SLC24A2: variants seen among roughly 807,000 people sequenced by gnomAD.
SLC24A2 encodes solute carrier family 24 member 2, also known as sodium/potassium/calcium exchanger 2.
SLC24A2 carries 36 observed loss-of-function variants against 62.0 expected under a neutral mutation model. That is an observed-to-expected ratio of 0.58 (90% confidence interval 0.44 to 0.77). SLC24A2 has a LOEUF of 0.77. SLC24A2 is among the 30% of genes least tolerant of loss of function. The probability of loss-of-function intolerance (pLI) is 0.00; values close to 1 mark genes in which losing one functional copy is unlikely to be tolerated. For missense variants in SLC24A2, 846 were observed against 817.9 expected, an observed-to-expected ratio of 1.03 and a Z score of -0.42; for synonymous variants, 358 against 294.0, an observed-to-expected ratio of 1.22 and a Z score of -2.23.
the SLC24A2 span, among the ~76,000 whole-genome samples, chr9:19,843,511 TA>T: frequency 1.3e-5 from 2 of 152,098 alleles, no homozygotes; most frequent in African/African-American, 2.4e-5. Flanking sequence ...AAACTCCATA[TA>T]AAAAAATAAT....
intron 4 of SLC24A2, among the ~76,000 whole-genome samples, chr9:19,610,138 T>A (rs1428436303): frequency 6.6e-6 from 1 of 152,178 alleles, no homozygotes; most frequent in East Asian, 1.9e-4. Context: ...GTGCATGAAT[T>A]TATTAAATAT....
the SLC24A2 span, among the ~76,000 whole-genome samples, chr9:19,819,588 C>A: frequency 3.9e-5 from 6 of 151,904 alleles, no homozygotes; most frequent in Non-Finnish European, 8.8e-5. Context: ...ATACAAATGG[C>A]CAATAAACAT....
At chr9:19,598,718 T>C (rs1473315505) in intron 4 of SLC24A2, among the ~76,000 whole-genome samples, 3 of 152,122 alleles carry the variant, frequency 2.0e-5, no homozygotes, top group South Asian at 4.1e-4. Flanking sequence ...TTAAGAACAG[T>C]ATTATATATT....
chr9:20,231,105 G>T, the SLC24A2 span, among the ~76,000 whole-genome samples: 1 of 152,050 alleles, frequency 6.6e-6, no homozygotes, highest in African/African-American at 2.4e-5. Flanking sequence ...CTCTGTTTTG[G>T]TACCAGTACC....
intron 8 of SLC24A2, among the ~76,000 whole-genome samples, chr9:19,531,289 A>C (rs887319537): frequency 1.3e-5 from 2 of 152,160 alleles, no homozygotes; most frequent in Non-Finnish European, 2.9e-5. Context: ...CTCATTCCAG[A>C]CATCTCTGCC....
the SLC24A2 span, among the ~76,000 whole-genome samples, chr9:20,041,033 A>AT: frequency 3.3e-5 from 5 of 152,126 alleles, no homozygotes; most frequent in Admixed American, 2.6e-4. Flanking sequence ...CAGGCTCTGA[A>AT]TTTTTTTTAG....
the SLC24A2 span, among the ~76,000 whole-genome samples, chr9:19,999,766 A>G: frequency 6.6e-6 from 1 of 152,166 alleles, no homozygotes; most frequent in South Asian, 2.1e-4. Context: ...CCTTACAGTC[A>G]TCCTGAGCCA....
At chr9:19,921,392 G>A in the SLC24A2 span, among the ~76,000 whole-genome samples, 10 of 151,612 alleles carry the variant, frequency 6.6e-5, no homozygotes, top group Non-Finnish European at 1.3e-4. Context: ...GCATGGTGGC[G>A]GGCGCCTGTA....
chr9:19,796,281 T>C, the SLC24A2 span, among the ~76,000 whole-genome samples: 1 of 151,938 alleles, frequency 6.6e-6, no homozygotes, highest in Non-Finnish European at 1.5e-5. Context: ...AAAAAAAAAA[T>C]CAGTTGAGCT....
the SLC24A2 span, among the ~76,000 whole-genome samples, chr9:20,277,806 G>C: frequency 1.3e-5 from 2 of 152,142 alleles, no homozygotes; most frequent in African/African-American, 4.8e-5. Flanking sequence ...CTGCAGCACT[G>C]TTCACAATAG....
At chr9:19,941,037 A>G in the SLC24A2 span, among the ~76,000 whole-genome samples, 1 of 152,210 alleles carries the variant, frequency 6.6e-6, no homozygotes, top group Non-Finnish European at 1.5e-5. Context: ...CCTGGCTGAA[A>G]GCTGCCATAA....
At chr9:20,090,267 A>G in the SLC24A2 span, among the ~76,000 whole-genome samples, 3 of 152,100 alleles carry the variant, frequency 2.0e-5, no homozygotes, top group African/African-American at 7.2e-5. Context: ...AGCCCCCAGG[A>G]GACAAGAAAA....
chr9:20,185,762 C>A, the SLC24A2 span, among the ~76,000 whole-genome samples: 4 of 151,940 alleles, frequency 2.6e-5, no homozygotes, highest in East Asian at 7.7e-4. Flanking sequence ...TTTAAAATAG[C>A]CCCCAAGGTG....
chr9:19,846,497 G>A, the SLC24A2 span, among the ~76,000 whole-genome samples: 5 of 152,136 alleles, frequency 3.3e-5, no homozygotes, highest in Non-Finnish European at 7.4e-5. Context: ...CTTGTGAGGT[G>A]GGTCTCTTGA....
At chr9:20,083,220 C>G in the SLC24A2 span, among the ~76,000 whole-genome samples, 1 of 152,200 alleles carries the variant, frequency 6.6e-6, no homozygotes, top group Non-Finnish European at 1.5e-5. Context: ...ATTGCCAATA[C>G]CTTTCATTCT....
intron 8 of SLC24A2, among the ~76,000 whole-genome samples, chr9:19,546,280 C>A (rs1834561427): frequency 6.6e-6 from 1 of 152,246 alleles, no homozygotes; most frequent in Admixed American, 6.5e-5. Flanking sequence ...TCTGCTGAAG[C>A]TGCACCTACA....
At chr9:20,233,218 G>C in the SLC24A2 span, among the ~76,000 whole-genome samples, 4 of 152,162 alleles carry the variant, frequency 2.6e-5, no homozygotes, top group Non-Finnish European at 4.4e-5. Context: ...TTGGAGTGGA[G>C]AATTCTGTAG....
chr9:20,004,376 G>A, the SLC24A2 span, among the ~76,000 whole-genome samples: 1 of 152,202 alleles, frequency 6.6e-6, no homozygotes. Flanking sequence ...TCATAAAACA[G>A]CAGCTGAGCA....
the SLC24A2 span, among the ~76,000 whole-genome samples, chr9:20,196,625 T>C: frequency 6.6e-6 from 1 of 152,232 alleles, no homozygotes; most frequent in African/African-American, 2.4e-5. Flanking sequence ...CATTTTCTTA[T>C]GTCAGGCCTA....
Sources: gnomAD v4.1 joint callset for allele counts (sites outside exome capture counted in the v4.1 genomes callset) on GRCh38, gnomAD v4.1.1 for gene constraint, MANE v1.5 for transcripts, NCBI Gene and HGNC (gene_info 2026-07-23, HGNC 2026-07-21) for gene names.